The following DOCK4 variants were observed in gnomAD, a reference collection of about 807,000 sequenced individuals.
DOCK4 encodes the protein dedicator of cytokinesis 4, also known as dedicator of cytokinesis protein 4.
DOCK4 carries 97 observed loss-of-function variants against 268.1 expected under a neutral mutation model. The observed-to-expected ratio is 0.36, with a 90% CI of 0.31 to 0.43. DOCK4 has a LOEUF of 0.43. Among genes scored for constraint, DOCK4 ranks in the 20% least tolerant of loss-of-function variants. DOCK4 has a pLI of 1.00. For synonymous variants in DOCK4, 954 were observed against 887.2 expected, an observed-to-expected ratio of 1.08 and a Z score of -1.34; for missense variants, 2,145 against 2,455.7, an observed-to-expected ratio of 0.87 and a Z score of 2.67.
At chr7:111,788,175 G>A (rs1253123413) in intron 32 of DOCK4, among the ~76,000 whole-genome samples, 1 of 152,120 alleles carries the variant, frequency 6.6e-6, no homozygotes, top group Non-Finnish European at 1.5e-5. Flanking sequence ...AAAGCATTTA[G>A]GAAGCAATTA....
At chr7:111,881,712 T>C (rs1562840469) in intron 16 of DOCK4, among the ~76,000 whole-genome samples, 1 of 152,184 alleles carries the variant, frequency 6.6e-6, no homozygotes, top group Non-Finnish European at 1.5e-5. Context: ...AAAGAAAATG[T>C]GGTACATGGA....
intron 16 of DOCK4, among the ~76,000 whole-genome samples, chr7:111,877,725 A>T (rs1037450022): frequency 6.6e-6 from 1 of 152,224 alleles, no homozygotes; most frequent in African/African-American, 2.4e-5. Context: ...CTCTACTTTC[A>T]TAGAAAACGC....
At chr7:112,088,885 G>A (rs1809361501) in intron 1 of DOCK4, among the ~76,000 whole-genome samples, 1 of 152,066 alleles carries the variant, frequency 6.6e-6, no homozygotes, top group African/African-American at 2.4e-5. Flanking sequence ...TGACTGAAAG[G>A]ATTAATTAAG....
chr7:111,741,090 G>GT lies in DOCK4; in HGVS notation c.5040+3dup. ...CACAACCAGACAAAAAGCTAATTAA[G>GT]TACCTGCATGTTAAAGACTTCATCA... On this transcript the variant is annotated splice_donor_region_variant and intron_variant, in intron 47 of 52. Coordinates refer to ENST00000428084, the MANE Select transcript of DOCK4 (RefSeq NM_001363540.2). 1 of 1,613,040 alleles carries GT rather than the reference G, an allele frequency of 6.2e-7. No homozygotes were observed.
At chr7:111,881,246 T>C (rs894612199) in intron 16 of DOCK4, among the ~76,000 whole-genome samples, 4 of 152,116 alleles carry the variant, frequency 2.6e-5, no homozygotes, top group Admixed American at 6.5e-5. Context: ...AATAATCCGA[T>C]TGAGAAATGG....
intron 16 of DOCK4, among the ~76,000 whole-genome samples, chr7:111,882,920 A>G (rs1807526545): frequency 6.6e-6 from 1 of 152,094 alleles, no homozygotes; most frequent in Non-Finnish European, 1.5e-5. Flanking sequence ...CATTTTTAAT[A>G]ATAAATATTT....
chr7:112,045,337 C>T (rs1223757385), intron 1 of DOCK4, among the ~76,000 whole-genome samples: 1 of 152,140 alleles, frequency 6.6e-6, no homozygotes, highest in Non-Finnish European at 1.5e-5. Flanking sequence ...AACACCCTTC[C>T]ACTGACAAGC....
At chr7:112,110,993 C>T (rs1811597636) in intron 1 of DOCK4, among the ~76,000 whole-genome samples, 1 of 152,206 alleles carries the variant, frequency 6.6e-6, no homozygotes, top group South Asian at 2.1e-4. Context: ...ACCCCCATTG[C>T]CCCTTGGATG....
At chr7:112,036,614 A>G (rs908442282) in intron 1 of DOCK4, among the ~76,000 whole-genome samples, 2 of 150,828 alleles carry the variant, frequency 1.3e-5, no homozygotes, top group Admixed American at 6.6e-5. Flanking sequence ...TGACAAATAT[A>G]TATACAGACA....
chr7:111,844,857 C>G lies in DOCK4; in HGVS notation c.2642G>C (p.Ser881Thr). 2 of 1,613,380 alleles carry G rather than the reference C, an allele frequency of 1.2e-6. No homozygotes were observed. Among genetic ancestry groups the G allele is most frequent in the Non-Finnish European group, 1.7e-6 (2 of 1,179,590 alleles). The change falls in exon 25 of 53, where the codon AGC becomes ACC. Residue 881 changes from serine to threonine, a missense_variant. Around this residue, in one of 2 missense-constraint regions of DOCK4, gnomAD observed 1,598 missense variants for 1,986.7 expected, o/e 0.80. Transcript: ENST00000428084. ...GGTCCTCAGCAGAATATCCAGCAAGCTGGCCACTATCACATCTATTTCCTC... is the reference window on the plus strand; with the variant it reads ...GGTCCTCAGCAGAATATCCAGCAAGGTGGCCACTATCACATCTATTTCCTC... Reference protein sequence around the residue: ...VLEEIDVIVASLLDILLRTIL... With the variant: ...VLEEIDVIVATLLDILLRTIL...
intron 21 of DOCK4, 25 bp from the exon 22 acceptor site, chr7:111,868,179 T>C (rs779054313): frequency 7.1e-6 from 11 of 1,541,716 alleles, no homozygotes; most frequent in Non-Finnish European, 9.7e-6. Context: ...TTTTAAAAGT[T>C]AGCTTCAAAG....
intron 1 of DOCK4, among the ~76,000 whole-genome samples, chr7:112,192,744 C>T (rs1163056526): frequency 6.6e-6 from 1 of 152,156 alleles, no homozygotes; most frequent in Non-Finnish European, 1.5e-5. Flanking sequence ...AGTTCTATAT[C>T]TCTTTGGATG....
chr7:112,114,497 C>T (rs2063281025), intron 1 of DOCK4, among the ~76,000 whole-genome samples: 3 of 152,152 alleles, frequency 2.0e-5, no homozygotes, highest in African/African-American at 7.2e-5. Context: ...GTCTGAGTAA[C>T]TATTGTGTGT....
intron 10 of DOCK4, among the ~76,000 whole-genome samples, chr7:111,941,928 T>A (rs1795232431): frequency 6.6e-6 from 1 of 152,176 alleles, no homozygotes; most frequent in South Asian, 2.1e-4. Flanking sequence ...CTCCCAAACC[T>A]CCACCTGACT....
chr7:112,081,455 C>T (rs539391136), intron 1 of DOCK4, among the ~76,000 whole-genome samples: 6 of 152,126 alleles, frequency 3.9e-5, no homozygotes, highest in South Asian at 4.2e-4. Context: ...AAGCCTGACA[C>T]GAAAAGTGCA....
At chr7:112,018,235 T>C (rs1802029495) in intron 1 of DOCK4, among the ~76,000 whole-genome samples, 1 of 147,972 alleles carries the variant, frequency 6.8e-6, no homozygotes, top group Admixed American at 6.8e-5. Flanking sequence ...AATAAAACTC[T>C]GTTATTTCCA....
At chr7:112,136,213 AAT>A (rs1201890470) in intron 1 of DOCK4, among the ~76,000 whole-genome samples, 1 of 152,186 alleles carries the variant, frequency 6.6e-6, no homozygotes, top group Admixed American at 6.5e-5. Context: ...TTTTATAGCT[AAT>A]ATGTTTTAAT....
chr7:112,000,381 A>G (rs184976376), intron 3 of DOCK4, 113 bp downstream of exon 3: 21 of 666,054 alleles, frequency 3.2e-5, no homozygotes, highest in Middle Eastern at 4.4e-4. Flanking sequence ...TTGCAATATC[A>G]TTTGGCATTT....
chr7:112,006,082 C>T (rs1189151687), intron 1 of DOCK4, among the ~76,000 whole-genome samples: 4 of 152,216 alleles, frequency 2.6e-5, no homozygotes, highest in African/African-American at 9.6e-5. Context: ...ATCCAAGTTT[C>T]ATTCTCCAGA....
Sources: allele counts gnomAD v4.1 joint callset (sites outside exome capture counted in the v4.1 genomes callset), GRCh38; gene constraint gnomAD v4.1.1; regional missense constraint gnomAD v4.1.1; transcripts MANE v1.5; gene names NCBI Gene and HGNC (gene_info 2026-07-23, HGNC 2026-07-21).